Variants in BRD1 observed in about 807,000 individuals in gnomAD.
BRD1 encodes bromodomain containing 1, also known as bromodomain-containing protein 1.
BRD1 carries 24 observed loss-of-function variants against 107.7 expected under a neutral mutation model. The observed-to-expected ratio is 0.22, with a 90% CI of 0.16 to 0.31. BRD1 has a LOEUF of 0.31. Ranked by LOEUF, BRD1 falls within the 10% of genes least tolerant of loss-of-function variation. BRD1 has a pLI of 1.00. For missense variants in BRD1, 1,279 were observed against 1,638.6 expected, an observed-to-expected ratio of 0.78 and a Z score of 3.79; for synonymous variants, 744 against 686.1, an observed-to-expected ratio of 1.08 and a Z score of -1.32.
chr22:49,788,496 A>G (rs970213709), intron 7 of BRD1, among the ~76,000 whole-genome samples: 1 of 152,220 alleles, frequency 6.6e-6, no homozygotes, highest in African/African-American at 2.4e-5. Flanking sequence ...GGGAGCTTTC[A>G]GGAAAAAAAA....
intron 8 of BRD1, among the ~76,000 whole-genome samples, chr22:49,785,846 G>C (rs2059312737): frequency 6.6e-6 from 1 of 152,198 alleles, no homozygotes; most frequent in Admixed American, 6.5e-5. Flanking sequence ...GGCAAGGGTA[G>C]GAAGTGAGCC....
In BRD1 at chr22:49,823,493, G is replaced by A; in HGVS notation, c.825C>T (p.Pro275=). ...TCTTTTTGAAGGCACCACCCTTGTT[G>A]GGGCACAGCACACAGTCGGCGGGCC... is the stretch of plus-strand genomic sequence containing the variant. ...RARPADCVLC[P]NKGGAFKKTD... is the part of the protein sequence containing the mutation. Residue 275 remains proline (P), a synonymous_variant, in exon 2 of 13, where the codon CCC becomes CCT. Transcript: ENST00000404760. 4.4e-6 allele frequency: 7 copies of A among 1,607,308 alleles called. No individual in the cohort carries two copies. The highest frequency in any genetic ancestry group is 3.4e-6 in the Non-Finnish European group (4 of 1,177,916).
intron 6 of BRD1, among the ~76,000 whole-genome samples, chr22:49,797,549 C>A (rs1269148430): frequency 6.6e-6 from 1 of 152,214 alleles, no homozygotes; most frequent in African/African-American, 2.4e-5. Flanking sequence ...GCTTATATAT[C>A]CTCAGTAACG....
At chr22:49,819,700 C>T (rs1242549809) in intron 2 of BRD1, among the ~76,000 whole-genome samples, 4 of 151,752 alleles carry the variant, frequency 2.6e-5, no homozygotes, top group African/African-American at 7.3e-5. Context: ...CTACCCACCT[C>T]GGCCTCCCAA....
chr22:49,783,250 T>G lies in BRD1; in HGVS notation c.2857+4140A>C, dbSNP rs537757900. Among the ~76,000 whole-genome samples, 1 of 152,368 alleles carries G rather than the reference T, an allele frequency of 6.6e-6. No individual in the cohort carries two copies. The highest frequency in any genetic ancestry group is 1.9e-4 in the East Asian group (1 of 5,190). On this transcript the variant is annotated intron_variant, in intron 8 of 12. Coordinates refer to ENST00000404760, the MANE Select transcript of BRD1 (RefSeq NM_001304808.3). This position sits in a 1 kb window ranked among gnomAD's most constrained non-coding sequence, Gnocchi z 4.2. ...CCACCCCACGAGCAGGACTTCTCAG[T>G]TGGCCGCAGGGGCACTCAGCGTGGT...
At chr22:49,790,598 TTGCCCACC>T (rs2059415754) in intron 7 of BRD1, among the ~76,000 whole-genome samples, 1 of 152,214 alleles carries the variant, frequency 6.6e-6, no homozygotes, top group African/African-American at 2.4e-5. Flanking sequence ...CCGCAATATT[TTGCCCACC>T]TGGCCACCTG....
At chr22:49,818,610 G>A (rs954188576) in intron 2 of BRD1, among the ~76,000 whole-genome samples, 4 of 152,152 alleles carry the variant, frequency 2.6e-5, no homozygotes, top group African/African-American at 7.2e-5. Context: ...CCTCCTGGCC[G>A]GGCTCGGTGG....
chr22:49,788,111 C>T (rs553008161), intron 7 of BRD1, among the ~76,000 whole-genome samples: 3 of 152,196 alleles, frequency 2.0e-5, no homozygotes, highest in Non-Finnish European at 4.4e-5. Flanking sequence ...CCCAGGCACA[C>T]AGTTACTCTC....
chr22:49,778,863 G>A (rs1220822260), intron 8 of BRD1, among the ~76,000 whole-genome samples: 6 of 152,002 alleles, frequency 3.9e-5, no homozygotes, highest in Admixed American at 6.5e-5. Flanking sequence ...GAGTTTCACC[G>A]TGTTAGCCAG....
At position 49,780,479 on chromosome 22, in the gene BRD1, G is replaced by A. The variant is rs796445449; in HGVS notation, c.2858-2666C>T. 5.9e-5 allele frequency among the ~76,000 whole-genome samples: 9 copies of A among 152,234 alleles called. 1 individual carries two copies. Among genetic ancestry groups the A allele is most frequent in the East Asian group, 1.9e-4 (1 of 5,160 alleles). On this transcript the variant is annotated intron_variant, in intron 8 of 12. Transcript: ENST00000404760. ...CCACCCAGCAGGAGGCCTGGCGGGG[G>A]TGGGACAGCTGCAAGGCTTGCTAAC...
chr22:49,805,055 A>G (rs1363008789), intron 2 of BRD1, among the ~76,000 whole-genome samples: 1 of 152,192 alleles, frequency 6.6e-6, no homozygotes, highest in Non-Finnish European at 1.5e-5. Flanking sequence ...CTCAGACGCC[A>G]TGGGAGAGGT....
intron 10 of BRD1, 72 bp downstream of exon 10, chr22:49,776,962 C>T: frequency 6.3e-7 from 1 of 1,593,530 alleles, no homozygotes. Context: ...GGAGTCCAGT[C>T]CCCAGCAGTC....
chr22:49,824,817 C>G lies in BRD1; in HGVS notation c.-14-486G>C. 2.0e-6 allele frequency: 2 copies of G among 1,008,012 alleles called. No individual in the cohort carries two copies. The highest frequency in any genetic ancestry group is 4.1e-5 in the South Asian group (1 of 24,160). The allele number at this position is 1,008,012 out of a possible 1,614,324, so 62.4% of individuals were successfully genotyped here. On this transcript the variant is annotated intron_variant, in intron 1 of 12. Coordinates refer to ENST00000404760, the MANE Select transcript of BRD1 (RefSeq NM_001304808.3). This position sits in a 1 kb window ranked among gnomAD's most constrained non-coding sequence, Gnocchi z 5.9. ...GGTCCTATCGGATGCTCCCCCTAAA[C>G]CACTCTTCCCCTCCCCACTACTCCC... is the stretch of plus-strand genomic sequence containing the variant.
In BRD1 at chr22:49,798,699, A is replaced by G. The variant is rs756373082; in HGVS notation, c.1657-13T>C. Reference sequence around the variant, plus strand: ...GCTCCACCTTCACCTGGGGGGGCCCAGCAGAGCCTCAGCTTTAGGGAGCCG... The same window carrying G: ...GCTCCACCTTCACCTGGGGGGGCCCGGCAGAGCCTCAGCTTTAGGGAGCCG... On this transcript the variant is annotated splice_polypyrimidine_tract_variant and intron_variant, in intron 4 of 12. Coordinates refer to ENST00000404760, the MANE Select transcript of BRD1 (RefSeq NM_001304808.3). The G allele has an allele frequency of 1.3e-6, 2 of 1,587,504 alleles. No individual in the cohort carries two copies. Among genetic ancestry groups the G allele is most frequent in the Non-Finnish European group, 1.7e-6 (2 of 1,168,554 alleles).
intron 2 of BRD1, among the ~76,000 whole-genome samples, 160 bp downstream of exon 2, chr22:49,822,791 C>T (rs1279007698): frequency 6.6e-6 from 1 of 152,144 alleles, no homozygotes; most frequent in African/African-American, 2.4e-5. Flanking sequence ...CCCAAAAAGA[C>T]GTGGTAAACA....
rs901500399 is a variant in BRD1, at chr22:49,777,790, C to A, written c.2881G>T (p.Ala961Ser). The change falls in exon 9 of 13, where the codon GCG becomes TCG. Residue 961 changes from alanine (A) to serine (S), a missense_variant. Physicochemically the swap from Ala to Ser is moderately conservative, Grantham distance 99. Coordinates refer to ENST00000404760, the MANE Select transcript of BRD1 (RefSeq NM_001304808.3). ...CCGCCCGGCTCCTGCTCGCTCCTCG[C>A]ACCCCCAAAGCCGTTGGTGAGACCT... ...DAGLTNGFGG[A>S]RSEQEPGGGL... The A allele has an allele frequency of 4.4e-6, 7 of 1,603,458 alleles. No homozygotes were observed. Among genetic ancestry groups the A allele is most frequent in the Admixed American group, 3.3e-5 (2 of 59,714 alleles).
chr22:49,809,548 A>AATAT (rs113075185), intron 2 of BRD1, among the ~76,000 whole-genome samples: 10 of 147,890 alleles, frequency 6.8e-5, no homozygotes, highest in South Asian at 4.3e-4. Context: ...CTCCAAAAAA[A>AATAT]ATATATATAT....
In BRD1 at chr22:49,775,531, C is replaced by T. The variant is rs1056520234; in HGVS notation, c.3386+60G>A. 194 of 1,311,516 alleles carry T rather than the reference C, an allele frequency of 1.5e-4. 3 individuals carry two copies. Among genetic ancestry groups the T allele is most frequent in the Middle Eastern group, 2.0e-4 (1 of 4,982 alleles). The allele number at this position is 1,311,516 out of a possible 1,614,324, so 81.2% of individuals were successfully genotyped here. On this transcript the variant is annotated intron_variant, in intron 12 of 12. Transcript: ENST00000404760. ...CTCACCACAGGGACACTCAGGTCAC[C>T]GAGCCCACGGCCCCCAACCACCCCA...
At chr22:49,802,992 A>G (rs1002081445) in intron 3 of BRD1, among the ~76,000 whole-genome samples, 3 of 152,250 alleles carry the variant, frequency 2.0e-5, no homozygotes, top group African/African-American at 7.2e-5. Context: ...TTCCATGGAC[A>G]GACACACAGT....
Sources: allele counts gnomAD v4.1 joint callset (sites outside exome capture counted in the v4.1 genomes callset), GRCh38; gene constraint gnomAD v4.1.1; non-coding constraint Gnocchi (gnomAD v3.1); transcripts MANE v1.5; gene names NCBI Gene and HGNC (gene_info 2026-07-23, HGNC 2026-07-21).